HEMK2: variants seen among roughly 807,000 people sequenced by gnomAD.
HEMK2 encodes HemK methyltransferase 2, ETF1 glutamine and histone H4 lysine.
At chr21:28,741,293 A>G in the HEMK2 span, among the ~76,000 whole-genome samples, 1 of 152,342 alleles carries the variant, frequency 6.6e-6, no homozygotes, top group Admixed American at 6.5e-5. Context: ...TCATGCTTGA[A>G]ACATATGGGG....
chr21:28,846,117 G>A, the HEMK2 span, among the ~76,000 whole-genome samples: 1 of 152,182 alleles, frequency 6.6e-6, no homozygotes, highest in African/African-American at 2.4e-5. Flanking sequence ...CTGCTGCAAA[G>A]AACATAATCT....
chr21:28,871,340 C>T, the HEMK2 span, among the ~76,000 whole-genome samples: 2 of 152,154 alleles, frequency 1.3e-5, no homozygotes, highest in Non-Finnish European at 2.9e-5. Context: ...GGCACGTCCA[C>T]ATGGTTGGAG....
chr21:28,766,803 A>G, the HEMK2 span, among the ~76,000 whole-genome samples: 5 of 152,120 alleles, frequency 3.3e-5, no homozygotes, highest in African/African-American at 1.2e-4. Flanking sequence ...AGTTATGAGG[A>G]CACAAAGGCA....
the HEMK2 span, among the ~76,000 whole-genome samples, chr21:28,869,603 C>T: frequency 6.7e-4 from 102 of 152,236 alleles, no homozygotes; most frequent in African/African-American, 2.4e-3. Flanking sequence ...AGGACTGGCT[C>T]GAAAATCTCT....
At chr21:28,694,718 G>A in the HEMK2 span, among the ~76,000 whole-genome samples, 5,350 of 152,150 alleles carry the variant, frequency 0.035, 146 homozygotes, top group Middle Eastern at 0.12. Context: ...AGGGCCGGAC[G>A]CAGTGGCTCA....
At chr21:28,720,605 C>T in the HEMK2 span, among the ~76,000 whole-genome samples, 306 of 152,164 alleles carry the variant, frequency 2.0e-3, 1 homozygote, top group Non-Finnish European at 1.8e-3. Context: ...TGGTGGCGGG[C>T]GCCTGTAATC....
chr21:28,737,570 G>A, the HEMK2 span, among the ~76,000 whole-genome samples: 4 of 150,836 alleles, frequency 2.7e-5, no homozygotes, highest in East Asian at 5.8e-4. Flanking sequence ...GGTTTTCAGA[G>A]CTTAATTAGT....
At chr21:28,835,065 G>T in the HEMK2 span, among the ~76,000 whole-genome samples, 1 of 152,086 alleles carries the variant, frequency 6.6e-6, no homozygotes, top group Admixed American at 6.6e-5. Context: ...ATCCACCCTG[G>T]TCACGGAAGA....
chr21:28,819,202 C>T, the HEMK2 span, among the ~76,000 whole-genome samples: 1 of 151,886 alleles, frequency 6.6e-6, no homozygotes, highest in East Asian at 1.9e-4. Context: ...TTGTTGGATA[C>T]CCATGACGTA....
At chr21:28,687,203 T>A in the HEMK2 span, among the ~76,000 whole-genome samples, 1 of 152,206 alleles carries the variant, frequency 6.6e-6, no homozygotes, top group East Asian at 1.9e-4. Context: ...TGTATGTACT[T>A]TAAAGTAAAT....
At chr21:28,600,603 G>C in the HEMK2 span, among the ~76,000 whole-genome samples, 717 of 152,232 alleles carry the variant, frequency 4.7e-3, 6 homozygotes, top group African/African-American at 0.016. Flanking sequence ...ATTAACATTT[G>C]GCTTCTTGTA....
At chr21:28,805,087 T>C in the HEMK2 span, among the ~76,000 whole-genome samples, 3 of 152,228 alleles carry the variant, frequency 2.0e-5, no homozygotes, top group African/African-American at 7.2e-5. Context: ...TCCTTGTTTC[T>C]GTCTTGCAGA....
chr21:28,631,212 C>T, the HEMK2 span, among the ~76,000 whole-genome samples: 163 of 152,210 alleles, frequency 1.1e-3, no homozygotes, highest in African/African-American at 3.9e-3. Flanking sequence ...AGGAAAACTT[C>T]AAAAACATCA....
At chr21:28,778,150 G>A in the HEMK2 span, among the ~76,000 whole-genome samples, 6 of 152,198 alleles carry the variant, frequency 3.9e-5, no homozygotes, top group East Asian at 5.8e-4. Context: ...TACACTCCCA[G>A]CAACTATTAG....
At chr21:28,816,432 G>C in the HEMK2 span, among the ~76,000 whole-genome samples, 8 of 152,162 alleles carry the variant, frequency 5.3e-5, no homozygotes, top group Non-Finnish European at 1.2e-4. Context: ...AACTTTGAAA[G>C]GCTGAAGTTG....
chr21:28,840,094 T>C, the HEMK2 span, among the ~76,000 whole-genome samples: 1 of 151,820 alleles, frequency 6.6e-6, no homozygotes, highest in Non-Finnish European at 1.5e-5. Context: ...TTTGACAAAG[T>C]AAACAAAAAC....
the HEMK2 span, among the ~76,000 whole-genome samples, chr21:28,861,576 A>G: frequency 6.6e-6 from 1 of 152,186 alleles, no homozygotes; most frequent in Admixed American, 6.5e-5. Flanking sequence ...TGATTCTCCC[A>G]TCCTTCCCCA....
chr21:28,831,507 GAAA>G, the HEMK2 span, among the ~76,000 whole-genome samples: 1 of 82,888 alleles, frequency 1.2e-5, no homozygotes, highest in African/African-American at 5.6e-5. Flanking sequence ...AAGAAAGAAA[GAAA>G]GAAAGAAAGA....
At chr21:28,681,550 A>G in the HEMK2 span, among the ~76,000 whole-genome samples, 1 of 152,144 alleles carries the variant, frequency 6.6e-6, no homozygotes, top group East Asian at 1.9e-4. Context: ...GGAAAAAAAT[A>G]CTTTAAAGTT....
Sources: allele counts gnomAD v4.1 joint callset (sites outside exome capture counted in the v4.1 genomes callset), GRCh38; gene constraint gnomAD v4.1.1; transcripts MANE v1.5; gene names NCBI Gene and HGNC (gene_info 2026-07-23, HGNC 2026-07-21).